Variants in ARHGAP15 observed in about 807,000 individuals in gnomAD.
The protein encoded by ARHGAP15 is Rho GTPase activating protein 15.
In ARHGAP15, 51 loss-of-function variants were observed where a neutral mutation model predicts 63.7. The observed-to-expected ratio is 0.80, with a 90% CI of 0.64 to 1.01. The LOEUF (loss-of-function observed/expected upper bound fraction) is 1.01. Among genes scored for constraint, ARHGAP15 ranks in the 50% least tolerant of loss-of-function variants. The probability of loss-of-function intolerance (pLI) is 0.00; values close to 1 mark genes in which losing one functional copy is unlikely to be tolerated. For synonymous variants in ARHGAP15, 191 were observed against 193.8 expected (o/e 0.99, Z 0.12); for missense variants, 560 against 564.6 (o/e 0.99, Z 0.08).
At chr2:143,548,849 A>C (rs1695440180) in intron 10 of ARHGAP15, among the ~76,000 whole-genome samples, 1 of 152,118 alleles carries the variant, frequency 6.6e-6, no homozygotes, top group Admixed American at 6.6e-5. Context: ...AGGAAGGTAG[A>C]ACAAAAAACC....
chr2:143,577,872 T>C (rs1696734600), intron 11 of ARHGAP15, among the ~76,000 whole-genome samples: 1 of 152,158 alleles, frequency 6.6e-6, no homozygotes, highest in Admixed American at 6.6e-5. Context: ...TGGTGCACTA[T>C]GTTCAGAAAT....
At position 143,379,435 on chromosome 2, in the gene ARHGAP15, A is replaced by G. The variant is rs1460075646; in HGVS notation, c.475-56166A>G. On this transcript the variant is annotated intron_variant, in intron 6 of 13. Transcript: ENST00000295095. ...GTAAAATGACCCACACTGACCATTC[A>G]TAGTAAAATGACCCACACTGACCAT... is the stretch of plus-strand genomic sequence containing the variant. 2.0e-5 allele frequency among the ~76,000 whole-genome samples: 3 copies of G among 151,352 alleles called. No individual in the cohort carries two copies. The East Asian group carries it at 5.8e-4, about 29-fold the overall frequency.
intron 10 of ARHGAP15, among the ~76,000 whole-genome samples, chr2:143,526,246 TC>T (rs1694275932): frequency 6.6e-6 from 1 of 152,096 alleles, no homozygotes; most frequent in Admixed American, 6.6e-5. Flanking sequence ...AACGTGCAGT[TC>T]AACAACCAGA....
intron 8 of ARHGAP15, among the ~76,000 whole-genome samples, chr2:143,484,474 G>A (rs76032278): frequency 0.074 from 11,283 of 152,156 alleles, 630 homozygotes; most frequent in East Asian, 0.22. Flanking sequence ...GGAAGTTGCA[G>A]TGAGCTGAGA....
chr2:143,717,451 T>C (rs772337768), intron 13 of ARHGAP15, among the ~76,000 whole-genome samples: 16 of 152,352 alleles, frequency 1.1e-4, no homozygotes, highest in Non-Finnish European at 2.1e-4. Flanking sequence ...ACCTAAGTCC[T>C]CACTGCTTTC....
intron 12 of ARHGAP15, among the ~76,000 whole-genome samples, chr2:143,674,156 A>T (rs1410413416): frequency 2.0e-5 from 3 of 152,084 alleles, no homozygotes; most frequent in Non-Finnish European, 4.4e-5. Flanking sequence ...TTGTATACTC[A>T]AGAGCAATGA....
At chr2:143,472,928 G>A (rs1489884515) in intron 8 of ARHGAP15, among the ~76,000 whole-genome samples, 1 of 152,140 alleles carries the variant, frequency 6.6e-6, no homozygotes, top group Non-Finnish European at 1.5e-5. Flanking sequence ...GCGCAAGCCT[G>A]TGTGCTTTCC....
At chr2:143,411,796 T>C (rs1688456498) in intron 6 of ARHGAP15, among the ~76,000 whole-genome samples, 1 of 152,176 alleles carries the variant, frequency 6.6e-6, no homozygotes, top group African/African-American at 2.4e-5. Flanking sequence ...TAAAATCTAT[T>C]ATAAGAAAAA....
chr2:143,580,133 C>T (rs1574658743), intron 11 of ARHGAP15, among the ~76,000 whole-genome samples: 1 of 151,494 alleles, frequency 6.6e-6, no homozygotes. Context: ...GCAGTAGAAA[C>T]TCGAACAATT....
chr2:143,328,921 G>A (rs913687283), intron 6 of ARHGAP15, among the ~76,000 whole-genome samples: 1 of 152,212 alleles, frequency 6.6e-6, no homozygotes, highest in African/African-American at 2.4e-5. Context: ...TGCATTACAT[G>A]CCTGTATCAA....
intron 12 of ARHGAP15, among the ~76,000 whole-genome samples, chr2:143,702,210 A>C (rs1684120975): frequency 6.6e-6 from 1 of 152,208 alleles, no homozygotes; most frequent in Admixed American, 6.5e-5. Context: ...GAGGTGTTTA[A>C]GTTCAATAAA....
At chr2:143,757,802 AAT>A (rs1686632191) in intron 13 of ARHGAP15, among the ~76,000 whole-genome samples, 1 of 152,142 alleles carries the variant, frequency 6.6e-6, no homozygotes, top group African/African-American at 2.4e-5. Context: ...AGACTTTGAT[AAT>A]AGTTATCTGA....
chr2:143,246,266 T>C (rs1694040864), intron 5 of ARHGAP15, among the ~76,000 whole-genome samples: 1 of 151,952 alleles, frequency 6.6e-6, no homozygotes, highest in African/African-American at 2.4e-5. Context: ...AAGAAGTAAA[T>C]GAGAAATCAA....
At chr2:143,710,284 C>G (rs181130294) in intron 13 of ARHGAP15, among the ~76,000 whole-genome samples, 178 of 152,254 alleles carry the variant, frequency 1.2e-3, no homozygotes, top group African/African-American at 4.2e-3. Flanking sequence ...AGCTAATGTA[C>G]TTCCTATGGG....
intron 10 of ARHGAP15, among the ~76,000 whole-genome samples, chr2:143,546,528 C>T (rs914197454): frequency 7.2e-5 from 11 of 152,240 alleles, no homozygotes; most frequent in Middle Eastern, 3.4e-3. Context: ...TTAGGAATAG[C>T]ATCTCCAGGA....
intron 5 of ARHGAP15, chr2:143,237,785 AT>A: frequency 6.6e-6 from 1 of 152,160 alleles, no homozygotes; most frequent in Non-Finnish European, 1.5e-5. Context: ...TTTAGGGAAT[AT>A]TTTCCCCCTA....
intron 11 of ARHGAP15, among the ~76,000 whole-genome samples, chr2:143,616,459 G>A (rs912551122): frequency 5.9e-5 from 9 of 152,106 alleles, no homozygotes; most frequent in South Asian, 2.1e-4. Flanking sequence ...TGTGACATGC[G>A]CATGCTTTGG....
chr2:143,131,043 A>G lies in ARHGAP15; in HGVS notation c.-15+1577A>G, dbSNP rs6732489. Among the ~76,000 whole-genome samples the G allele has an allele frequency of 8.3e-3, 1,269 of 152,294 alleles. 14 individuals are homozygous for G. Among genetic ancestry groups the G allele is most frequent in the African/African-American group, 0.029 (1,200 of 41,560 alleles). ...ATCTGGCATTGAGGAAAAGTCCATG[A>G]AAATTTTTTAAATTGTTTAATGCTT... On this transcript the variant is annotated intron_variant, in intron 1 of 13. Transcript: ENST00000295095.
chr2:143,560,887 C>T (rs1027655999), intron 11 of ARHGAP15, among the ~76,000 whole-genome samples: 12 of 152,166 alleles, frequency 7.9e-5, no homozygotes, highest in African/African-American at 2.9e-4. Context: ...CAGCGCTCTG[C>T]CCTGTTTGTT....
Sources: allele counts gnomAD v4.1 joint callset (sites outside exome capture counted in the v4.1 genomes callset), GRCh38; gene constraint gnomAD v4.1.1; transcripts MANE v1.5; gene names NCBI Gene and HGNC (gene_info 2026-07-23, HGNC 2026-07-21).